The following TRMT11 variants were observed in gnomAD, a reference collection of about 807,000 sequenced individuals.
TRMT11 encodes tRNA methyltransferase 11.
TRMT11 carries 53 observed loss-of-function variants against 62.8 expected under a neutral mutation model. The ratio of observed to expected loss-of-function variants is 0.84; its 90% CI spans 0.68 to 1.06. The LOEUF is 1.06. Among genes scored for constraint, TRMT11 ranks in the 50% least tolerant of loss-of-function variants. TRMT11 has a pLI of 0.00. For missense variants in TRMT11, 556 were observed against 553.4 expected (o/e 1.00, Z -0.05); for synonymous variants, 188 against 190.3 (o/e 0.99, Z 0.10).
At chr6:126,140,957 C>T (rs1308286973) in intron 21 of TRMT11, among the ~76,000 whole-genome samples, 1 of 151,988 alleles carries the variant, frequency 6.6e-6, no homozygotes, top group East Asian at 1.9e-4. Flanking sequence ...TGTTTCCTCA[C>T]CAGTGAAATA....
intron 21 of TRMT11, among the ~76,000 whole-genome samples, chr6:126,142,888 G>GTT (rs1467187562): frequency 6.6e-6 from 1 of 152,020 alleles, no homozygotes; most frequent in Non-Finnish European, 1.5e-5. Context: ...ATGAGAAGAA[G>GTT]TATCTGTTCA....
chr6:126,136,583 G>C lies in TRMT11; in HGVS notation c.*1823+20728G>C, dbSNP rs139214817. On this transcript the variant is annotated intron_variant and NMD_transcript_variant, in intron 21 of 22. Coordinates refer to the TRMT11 transcript ENST00000648977. The stretch of plus-strand genomic sequence containing the variant: ...TTAAAATGTCTATACTACCCTAAGT[G>C]AACTACAATCAAAACACCAGTGACA... 7.9e-4 allele frequency among the ~76,000 whole-genome samples: 119 copies of C among 151,172 alleles called. 1 individual carries two copies. Among genetic ancestry groups the C allele is most frequent in the Middle Eastern group, 3.4e-3 (1 of 294 alleles).
chr6:126,071,089 C>T (rs1255411171), intron 17 of TRMT11, among the ~76,000 whole-genome samples: 1 of 152,202 alleles, frequency 6.6e-6, no homozygotes, highest in Non-Finnish European at 1.5e-5. Flanking sequence ...CTTACGCCCT[C>T]AACTCTGATC....
chr6:126,100,671 C>G (rs141605100), intron 17 of TRMT11, among the ~76,000 whole-genome samples: 6 of 152,212 alleles, frequency 3.9e-5, no homozygotes, highest in African/African-American at 1.4e-4. Context: ...CCAACCTTTT[C>G]GGCACCAGGG....
At chr6:126,148,072 T>C (rs796546389) in intron 21 of TRMT11, among the ~76,000 whole-genome samples, 35 of 152,268 alleles carry the variant, frequency 2.3e-4, no homozygotes, top group African/African-American at 8.4e-4. Flanking sequence ...CCTGAGATTG[T>C]ATGATGCTCT....
chr6:126,032,992 A>G (rs1313728596), intron 12 of TRMT11, among the ~76,000 whole-genome samples: 1 of 152,174 alleles, frequency 6.6e-6, no homozygotes, highest in African/African-American at 2.4e-5. Flanking sequence ...TGGGACAAAA[A>G]CATTTTAATC....
chr6:126,159,285 C>T (rs910987302), intron 21 of TRMT11, among the ~76,000 whole-genome samples: 4 of 152,048 alleles, frequency 2.6e-5, no homozygotes, highest in East Asian at 3.9e-4. Context: ...GCACTCTGGG[C>T]GGAGGTCTGC....
the TRMT11 span, among the ~76,000 whole-genome samples, chr6:126,235,396 A>T: frequency 1.3e-5 from 2 of 152,238 alleles, no homozygotes; most frequent in Non-Finnish European, 2.9e-5. Context: ...ACAAAGGTAC[A>T]TGTACGCATA....
chr6:126,062,731 G>A (rs1776571935), intron 17 of TRMT11, among the ~76,000 whole-genome samples: 2 of 152,090 alleles, frequency 1.3e-5, no homozygotes, highest in Non-Finnish European at 2.9e-5. Context: ...TCATAGAGTG[G>A]CATAAAAATT....
At chr6:126,019,262 A>G (rs1795454013) in intron 11 of TRMT11, among the ~76,000 whole-genome samples, 2 of 152,240 alleles carry the variant, frequency 1.3e-5, no homozygotes, top group African/African-American at 4.8e-5. Flanking sequence ...GCTCATTAAT[A>G]TAATAGATTA....
chr6:126,094,024 A>C (rs1453259518), intron 17 of TRMT11, among the ~76,000 whole-genome samples: 1 of 152,044 alleles, frequency 6.6e-6, no homozygotes, highest in Admixed American at 6.6e-5. Context: ...TTTCAGAGTA[A>C]TGCGTTCTTG....
At chr6:126,059,019 T>G (rs1321217103) in intron 17 of TRMT11, among the ~76,000 whole-genome samples, 1 of 151,760 alleles carries the variant, frequency 6.6e-6, no homozygotes, top group Non-Finnish European at 1.5e-5. Context: ...ATTGGCTCCT[T>G]GCACCTCTTC....
At chr6:126,182,531 C>T (rs1554245454) in intron 1 of TRMT11, among the ~76,000 whole-genome samples, 1 of 151,798 alleles carries the variant, frequency 6.6e-6, no homozygotes, top group African/African-American at 2.4e-5. Flanking sequence ...TGTCATCTTC[C>T]CTTATGGGGT....
intron 2 of TRMT11, among the ~76,000 whole-genome samples, chr6:125,994,066 C>T (rs1169679310): frequency 6.6e-6 from 1 of 152,052 alleles, no homozygotes; most frequent in Non-Finnish European, 1.5e-5. Context: ...TGTCCTTTCA[C>T]CTAAAAAAGG....
chr6:126,124,265 T>C (rs1312029052), intron 21 of TRMT11, among the ~76,000 whole-genome samples: 4 of 152,110 alleles, frequency 2.6e-5, no homozygotes, highest in African/African-American at 9.7e-5. Context: ...GGTCCGTTAG[T>C]TTCTCTGGAG....
At chr6:126,092,413 C>T (rs1053274198) in intron 17 of TRMT11, among the ~76,000 whole-genome samples, 1 of 152,106 alleles carries the variant, frequency 6.6e-6, no homozygotes, top group African/African-American at 2.4e-5. Context: ...AAAAGGAAAA[C>T]CCCTTAGAAA....
chr6:126,072,145 A>T (rs2128141455), intron 17 of TRMT11, among the ~76,000 whole-genome samples: 1 of 152,244 alleles, frequency 6.6e-6, no homozygotes, highest in South Asian at 2.1e-4. Flanking sequence ...ATCTACTAGG[A>T]TCCCAGCTGA....
In TRMT11 at chr6:126,038,798, A is replaced by G; in HGVS notation, c.1354A>G (p.Lys452Glu). 6.2e-7 allele frequency: 1 copy of G among 1,604,132 alleles called. No individual in the cohort carries two copies. Among genetic ancestry groups the G allele is most frequent in the African/African-American group, 1.3e-5 (1 of 74,328 alleles). Residue 452 changes from lysine (K) to glutamate (E), a missense_variant, in exon 13 of 13, where the codon AAA becomes GAA. Physicochemically the swap from Lys to Glu is moderately conservative, Grantham distance 56. Transcript: ENST00000334379. The part of the protein sequence containing the change: ...FREKYFSGVT[K>E]RIAKEEKSTQ... ...TGAGAAATATTTTAGTGGGGTAACA[A>G]AAAGAATTGCCAAGGAAGAAAAATC...
At chr6:126,154,712 G>A (rs1778097568) in intron 21 of TRMT11, among the ~76,000 whole-genome samples, 1 of 152,168 alleles carries the variant, frequency 6.6e-6, no homozygotes, top group South Asian at 2.1e-4. Flanking sequence ...GGAACACTGG[G>A]AAAAGTCATT....
Sources: allele counts gnomAD v4.1 joint callset (sites outside exome capture counted in the v4.1 genomes callset), GRCh38; gene constraint gnomAD v4.1.1; transcripts MANE v1.5; gene names NCBI Gene and HGNC (gene_info 2026-07-23, HGNC 2026-07-21).